ZRANB3: variants seen among roughly 807,000 people sequenced by gnomAD.
ZRANB3 encodes the protein zinc finger RANBP2-type containing 3.
ZRANB3 carries 125 observed loss-of-function variants against 133.8 expected under a neutral mutation model. The ratio of observed to expected loss-of-function variants is 0.93; its 90% CI spans 0.81 to 1.08. The LOEUF (loss-of-function observed/expected upper bound fraction) is 1.08, where lower values mean the gene tolerates loss of function less well. Ranked by LOEUF, ZRANB3 falls within the 50% of genes least tolerant of loss-of-function variation. The pLI, the probability that ZRANB3 is intolerant of heterozygous loss-of-function variation, is 0.00. For synonymous variants in ZRANB3, 387 were observed against 432.7 expected, an observed-to-expected ratio of 0.89 and a Z score of 1.31; for missense variants, 1,229 against 1,275.5, an observed-to-expected ratio of 0.96 and a Z score of 0.56.
chr2:135,343,034 A>C (rs1485684407), intron 6 of ZRANB3, among the ~76,000 whole-genome samples: 2 of 146,354 alleles, frequency 1.4e-5, no homozygotes, highest in Admixed American at 6.7e-5. Flanking sequence ...AAAAAAAAAA[A>C]ACATTAGCAG....
chr2:135,363,545 A>AT (rs531674162), intron 3 of ZRANB3, among the ~76,000 whole-genome samples: 341 of 152,216 alleles, frequency 2.2e-3, no homozygotes, highest in African/African-American at 6.0e-3. Flanking sequence ...GATTCTAGTC[A>AT]TTTTTTTCCA....
intron 15 of ZRANB3, among the ~76,000 whole-genome samples, chr2:135,223,233 G>A (rs909534849): frequency 3.3e-5 from 5 of 151,250 alleles, no homozygotes; most frequent in Non-Finnish European, 7.4e-5. Flanking sequence ...CCTGGGCAAC[G>A]GAGCGAGACT....
At chr2:135,513,886 A>C (rs1255845960) in intron 1 of ZRANB3, among the ~76,000 whole-genome samples, 1 of 152,162 alleles carries the variant, frequency 6.6e-6, no homozygotes, top group Non-Finnish European at 1.5e-5. Context: ...TAGGGAATCA[A>C]TAGGAAATCC....
chr2:135,361,956 T>C (rs1447310349), intron 3 of ZRANB3, among the ~76,000 whole-genome samples: 1 of 152,108 alleles, frequency 6.6e-6, no homozygotes, highest in Non-Finnish European at 1.5e-5. Context: ...CCCAGCACTT[T>C]GGGAGGCCAA....
chr2:135,267,619 T>C (rs970301734), intron 11 of ZRANB3, among the ~76,000 whole-genome samples: 1 of 152,186 alleles, frequency 6.6e-6, no homozygotes, highest in Admixed American at 6.5e-5. Context: ...ACCCAGTCAA[T>C]GGTTCCATGC....
At chr2:135,391,045 G>A (rs1183753882) in intron 2 of ZRANB3, among the ~76,000 whole-genome samples, 1 of 152,062 alleles carries the variant, frequency 6.6e-6, no homozygotes, top group South Asian at 2.1e-4. Context: ...ATTTTTAGTA[G>A]AGAAGGGGTT....
intron 12 of ZRANB3, among the ~76,000 whole-genome samples, chr2:135,262,719 T>G (rs1278694561): frequency 6.6e-6 from 1 of 151,828 alleles, no homozygotes. Flanking sequence ...ACTTTGAAGC[T>G]GCAGTGAGCT....
At chr2:135,521,132 G>A (rs1212761427) in intron 1 of ZRANB3, among the ~76,000 whole-genome samples, 1 of 152,186 alleles carries the variant, frequency 6.6e-6, no homozygotes, top group Non-Finnish European at 1.5e-5. Flanking sequence ...CTTACACGAG[G>A]TTTAAAAGTT....
chr2:135,252,685 T>G lies in ZRANB3; in HGVS notation c.1539+12849A>C, dbSNP rs577018591. 2.0e-5 allele frequency among the ~76,000 whole-genome samples: 3 copies of G among 152,280 alleles called. 1 individual carries two copies. In the South Asian group the frequency reaches 6.2e-4, roughly 32 times the overall value. ...CCTTCACCTCTGTCCTGAAGCCAGCTCCTCTTCTACCACCACAATCTTTTG... is the reference window on the plus strand; with the variant it reads ...CCTTCACCTCTGTCCTGAAGCCAGCGCCTCTTCTACCACCACAATCTTTTG... On this transcript the variant is annotated intron_variant, in intron 12 of 20. Coordinates refer to ENST00000264159, the MANE Select transcript of ZRANB3 (RefSeq NM_032143.4).
At chr2:135,367,963 T>C (rs1050936590) in intron 3 of ZRANB3, among the ~76,000 whole-genome samples, 1 of 152,138 alleles carries the variant, frequency 6.6e-6, no homozygotes, top group African/African-American at 2.4e-5. Context: ...TCTGTTCTTT[T>C]GTCTTCTAGT....
At chr2:135,472,601 T>G (rs1482373531) in intron 2 of ZRANB3, among the ~76,000 whole-genome samples, 2 of 152,178 alleles carry the variant, frequency 1.3e-5, no homozygotes, top group East Asian at 3.9e-4. Context: ...AGTCTTGCAT[T>G]ATGACATGTC....
chr2:135,338,816 ATGT>A (rs1447674467), intron 6 of ZRANB3, among the ~76,000 whole-genome samples: 1 of 152,240 alleles, frequency 6.6e-6, no homozygotes, highest in Non-Finnish European at 1.5e-5. Context: ...GTATATCTAT[ATGT>A]TGTGTATTTA....
intron 2 of ZRANB3, among the ~76,000 whole-genome samples, chr2:135,484,888 T>C (rs1420317551): frequency 6.6e-6 from 1 of 151,428 alleles, no homozygotes; most frequent in Non-Finnish European, 1.5e-5. Flanking sequence ...ACAAAAAAAT[T>C]AGCCAGGTGA....
chr2:135,408,794 G>T (rs916856774), intron 2 of ZRANB3, among the ~76,000 whole-genome samples: 2 of 151,484 alleles, frequency 1.3e-5, no homozygotes, highest in Non-Finnish European at 2.9e-5. Context: ...ATGGAGACAG[G>T]AAGGGGAACA....
chr2:135,358,874 G>A (rs1685551292), intron 3 of ZRANB3, among the ~76,000 whole-genome samples: 2 of 152,008 alleles, frequency 1.3e-5, no homozygotes, highest in African/African-American at 4.8e-5. Context: ...CTTTGGCACT[G>A]GTGGGAAATA....
chr2:135,481,792 A>G (rs1277967700), intron 2 of ZRANB3, among the ~76,000 whole-genome samples: 2 of 151,318 alleles, frequency 1.3e-5, no homozygotes, highest in East Asian at 1.9e-4. Flanking sequence ...TGATTTTTGT[A>G]TAAGGTGTAA....
At chr2:135,453,464 C>T (rs541592987) in intron 2 of ZRANB3, among the ~76,000 whole-genome samples, 13 of 152,312 alleles carry the variant, frequency 8.5e-5, no homozygotes, top group East Asian at 5.8e-4. Flanking sequence ...AACTTTTATG[C>T]TCTGTTTCCC....
rs1400864364 is a variant in ZRANB3, at chr2:135,207,729, T to C, written c.2714A>G (p.Asp905Gly). Reference protein sequence around the residue: ...STSKGYLQAVDNEGNPLCLRC... With the variant: ...STSKGYLQAVGNEGNPLCLRC... ...AAGGCAAAGTGGATTTCCTTCATTATCCACAGCTTGCAAATAGCCTTTGGA... is the reference window on the plus strand; with the variant it reads ...AAGGCAAAGTGGATTTCCTTCATTACCCACAGCTTGCAAATAGCCTTTGGA... Residue 905 changes from aspartate to glycine, a missense_variant, in exon 19 of 21, where the codon GAT becomes GGT. Asp to Gly is a moderately conservative substitution (Grantham distance 94, BLOSUM62 -1). Transcript: ENST00000264159. The C allele has an allele frequency of 6.2e-7, 1 of 1,614,050 alleles. No homozygotes were observed. Among genetic ancestry groups the C allele is most frequent in the Non-Finnish European group, 8.5e-7 (1 of 1,179,902 alleles).
intron 9 of ZRANB3, among the ~76,000 whole-genome samples, chr2:135,275,197 C>T (rs1301302418): frequency 1.4e-4 from 12 of 85,996 alleles, no homozygotes; most frequent in South Asian, 3.5e-4. Flanking sequence ...CCAGAAGGGG[C>T]GGCCGGGCAG....
Sources: allele counts gnomAD v4.1 joint callset (sites outside exome capture counted in the v4.1 genomes callset), GRCh38; gene constraint gnomAD v4.1.1; transcripts MANE v1.5; gene names NCBI Gene and HGNC (gene_info 2026-07-23, HGNC 2026-07-21).